Variants in NSMCE1 observed in about 807,000 individuals in gnomAD.
NSMCE1 encodes non-structural maintenance of chromosomes element 1 homolog.
In NSMCE1, 18 loss-of-function variants were observed where a neutral mutation model predicts 29.6. The ratio of observed to expected loss-of-function variants is 0.61; its 90% CI spans 0.42 to 0.90. NSMCE1 has a LOEUF of 0.90. Ranked by LOEUF, NSMCE1 falls within the 40% of genes least tolerant of loss-of-function variation. The probability of loss-of-function intolerance (pLI) is 0.00; values close to 1 mark genes in which losing one functional copy is unlikely to be tolerated. For missense variants in NSMCE1, 314 were observed against 343.6 expected, an observed-to-expected ratio of 0.91 and a Z score of 0.68; for synonymous variants, 124 against 133.4, an observed-to-expected ratio of 0.93 and a Z score of 0.49.
At chr16:27,246,093 C>T (rs1210900546) in intron 2 of NSMCE1, among the ~76,000 whole-genome samples, 1 of 152,316 alleles carries the variant, frequency 6.6e-6, no homozygotes, top group African/African-American at 2.4e-5. Flanking sequence ...TGGAAACAAA[C>T]CCGGGATGAA....
chr16:27,257,487 T>G lies in NSMCE1; in HGVS notation c.84A>C (p.Leu28=). The part of the protein sequence containing the change: ...FLQLLMTHGV[L]EEWDVKRLQT... ...GCAAGCGCTTCACGTCCCATTCCTCTAGCACGCCATGGGTCATCAGCAACT... is the reference window on the plus strand; with the variant it reads ...GCAAGCGCTTCACGTCCCATTCCTCGAGCACGCCATGGGTCATCAGCAACT... The change falls in exon 2 of 8, where the codon CTA becomes CTC. Residue 28 remains leucine (L), a synonymous_variant. Transcript: ENST00000361439. 1 of 1,613,954 alleles carries G rather than the reference T, an allele frequency of 6.2e-7. No homozygotes were observed.
chr16:27,232,978 C>T lies in NSMCE1; in HGVS notation c.483+23G>A. 1 of 1,605,002 alleles carries T rather than the reference C, an allele frequency of 6.2e-7. No individual in the cohort carries two copies. Among genetic ancestry groups the T allele is most frequent in the Non-Finnish European group, 8.5e-7 (1 of 1,177,430 alleles). On this transcript the variant is annotated intron_variant, in intron 5 of 7. Coordinates refer to ENST00000361439, the MANE Select transcript of NSMCE1 (RefSeq NM_145080.4). The surrounding 1 kb of genome is among the most constrained non-coding windows in gnomAD (Gnocchi z 4.5). ...TATTCACTTGAAAAAGTGAACCAGG[C>T]TGGAAAAACCATGAGACAGTACCTC...
rs541103916 is a variant in NSMCE1, at chr16:27,259,264, G to A, written c.-11-1683C>T. Among the ~76,000 whole-genome samples the A allele has an allele frequency of 5.9e-5, 9 of 152,076 alleles. No homozygotes were observed. The South Asian group carries it at 1.7e-3, about 28-fold the overall frequency. ...TCTTTGCAAATCATCTGGTGTGGAC[G>A]GTGCAGTCCACACAATCATACCACA... On this transcript the variant is annotated intron_variant, in intron 1 of 7. Transcript: ENST00000361439.
chr16:27,264,589 G>T (rs1015289829), intron 1 of NSMCE1, among the ~76,000 whole-genome samples: 2 of 152,096 alleles, frequency 1.3e-5, no homozygotes, highest in African/African-American at 4.8e-5. Context: ...GTAAAAAAAT[G>T]AATAAAATTT....
chr16:27,240,477 C>T (rs992158963), intron 2 of NSMCE1, among the ~76,000 whole-genome samples: 1 of 151,916 alleles, frequency 6.6e-6, no homozygotes, highest in South Asian at 2.1e-4. Flanking sequence ...ACCCAGCCCA[C>T]CCCAGCATCC....
rs1247262592 is a variant in NSMCE1, at chr16:27,225,756, A to G, written c.691T>C (p.Cys231Arg). The G allele has an allele frequency of 1.2e-6, 2 of 1,614,160 alleles. No homozygotes were observed. The highest frequency in any genetic ancestry group is 1.7e-6 in the Non-Finnish European group (2 of 1,180,022). Reference sequence around the variant, plus strand: ...ATCTCGTGGGGCCAGTAGTCGTTGCAGTGGGGGCAGCGCGGTTCAGCATTC... The same window carrying G: ...ATCTCGTGGGGCCAGTAGTCGTTGCGGTGGGGGCAGCGCGGTTCAGCATTC... ...QSNAEPRCPH[C>R]NDYWPHEIPK... Residue 231 changes from cysteine (C) to arginine (R), a missense_variant, in exon 7 of 8, where the codon TGC (cysteine) becomes CGC (arginine). Cys to Arg is a radical substitution (Grantham distance 180). Coordinates refer to ENST00000361439, the MANE Select transcript of NSMCE1 (RefSeq NM_145080.4).
At chr16:27,226,274 T>C (rs574634607) in intron 6 of NSMCE1, 37 of 207,234 alleles carry the variant, frequency 1.8e-4, no homozygotes, top group Middle Eastern at 1.8e-3. Context: ...GTAAGAGCAA[T>C]TGCAATTACA....
Position 27,225,723 on chromosome 16 carries a change from C to A in NSMCE1, c.721+3G>T. On this transcript the variant is annotated splice_donor_region_variant and intron_variant, in intron 7 of 7. Coordinates refer to ENST00000361439, the MANE Select transcript of NSMCE1 (RefSeq NM_145080.4). The stretch of plus-strand genomic sequence containing the variant: ...TCCCATGAGCTCCTCAGGGCCCACG[C>A]ACTTGGGATCTCGTGGGGCCAGTAG... The A allele has an allele frequency of 6.2e-7, 1 of 1,614,090 alleles. No homozygotes were observed.
chr16:27,251,215 T>TAC (rs2084032412), intron 2 of NSMCE1, among the ~76,000 whole-genome samples: 1 of 136,760 alleles, frequency 7.3e-6, no homozygotes, highest in Non-Finnish European at 1.6e-5. Flanking sequence ...TATAAAACTC[T>TAC]GTAGAGTTCA....
intron 2 of NSMCE1, among the ~76,000 whole-genome samples, chr16:27,255,661 GCTT>G (rs1567282942): frequency 6.6e-6 from 1 of 152,158 alleles, no homozygotes; most frequent in East Asian, 1.9e-4. Flanking sequence ...ACTTCAAACT[GCTT>G]CTTCTCCGTC....
At chr16:27,261,671 C>T (rs771084721) in intron 1 of NSMCE1, among the ~76,000 whole-genome samples, 13 of 152,090 alleles carry the variant, frequency 8.5e-5, no homozygotes, top group Non-Finnish European at 1.3e-4. Context: ...GTTACACAAT[C>T]GCAGCGCCAG....
intron 1 of NSMCE1, among the ~76,000 whole-genome samples, chr16:27,267,649 C>A (rs1359614932): frequency 6.6e-6 from 1 of 151,180 alleles, no homozygotes; most frequent in Non-Finnish European, 1.5e-5. Flanking sequence ...AGTCTGAATA[C>A]CAAAACTTGT....
Position 27,257,447 on chromosome 16 carries a change from T to C in NSMCE1, c.124A>G (p.Lys42Glu), listed in dbSNP as rs757367163. ...DVKRLQTHCY[K>E]VHDRNATVDK... ...AAACGGTACTCACGGTCATGGACCT[T>C]GTAGCAGTGCGTCTGCAAGCGCTTC... Residue 42 changes from lysine (K) to glutamate (E), a missense_variant, in exon 2 of 8, where the codon AAG (lysine) becomes GAG (glutamate). Physicochemically the swap from Lys to Glu is moderately conservative, Grantham distance 56. Coordinates refer to ENST00000361439, the MANE Select transcript of NSMCE1 (RefSeq NM_145080.4). 2.5e-6 allele frequency: 4 copies of C among 1,612,666 alleles called. No homozygotes were observed. In the East Asian group the frequency reaches 8.9e-5, roughly 36 times the overall value.
intron 2 of NSMCE1, among the ~76,000 whole-genome samples, chr16:27,250,331 A>C (rs2084010759): frequency 6.6e-6 from 1 of 152,212 alleles, no homozygotes; most frequent in Non-Finnish European, 1.5e-5. Context: ...AGATTAGGGA[A>C]AAGTATTCAG....
intron 2 of NSMCE1, among the ~76,000 whole-genome samples, chr16:27,248,401 GT>G (rs1368727210): frequency 2.7e-5 from 3 of 111,926 alleles, no homozygotes; most frequent in African/African-American, 1.0e-4. Context: ...TGCGGTTTTA[GT>G]TTGCTTTTTT....
intron 1 of NSMCE1, among the ~76,000 whole-genome samples, chr16:27,259,420 C>A (rs1753004392): frequency 6.6e-6 from 1 of 152,158 alleles, no homozygotes; most frequent in Non-Finnish European, 1.5e-5. Context: ...AGTGGTTGTT[C>A]TGGGCACAGG....
intron 1 of NSMCE1, among the ~76,000 whole-genome samples, chr16:27,258,450 T>A (rs1409691111): frequency 6.6e-6 from 1 of 152,256 alleles, no homozygotes; most frequent in Non-Finnish European, 1.5e-5. Context: ...AACCCTTTCC[T>A]GGATGTTCTG....
At chr16:27,250,841 C>CTGTTT (rs2084018942) in intron 2 of NSMCE1, among the ~76,000 whole-genome samples, 1 of 126,628 alleles carries the variant, frequency 7.9e-6, no homozygotes, top group Non-Finnish European at 1.6e-5. Flanking sequence ...TTAATTTTAA[C>CTGTTT]TGTTTTTTTT....
intron 2 of NSMCE1, chr16:27,241,239 C>T (rs1445148368): frequency 6.6e-6 from 1 of 152,178 alleles, no homozygotes; most frequent in Non-Finnish European, 1.5e-5. Flanking sequence ...CTCTGACCAA[C>T]AAATAGTTTT....
Sources: gnomAD v4.1 joint callset for allele counts (sites outside exome capture counted in the v4.1 genomes callset) on GRCh38, gnomAD v4.1.1 for gene constraint, Gnocchi (gnomAD v3.1) non-coding constraint, MANE v1.5 for transcripts, NCBI Gene and HGNC (gene_info 2026-07-23, HGNC 2026-07-21) for gene names.